MYLK: variants seen among roughly 807,000 people sequenced by gnomAD.
The protein encoded by MYLK is myosin light chain kinase.
In MYLK, 106 loss-of-function variants were observed where a neutral mutation model predicts 203.4. That is an observed-to-expected ratio of 0.52 (90% confidence interval 0.45 to 0.61). The LOEUF (loss-of-function observed/expected upper bound fraction) is 0.61, where lower values mean the gene tolerates loss of function less well. Ranked by LOEUF, MYLK falls within the 20% of genes least tolerant of loss-of-function variation. The pLI is 0.00. For missense variants in MYLK, 2,072 were observed against 2,442.3 expected, an observed-to-expected ratio of 0.85 and a Z score of 3.20; for synonymous variants, 867 against 959.5, an observed-to-expected ratio of 0.90 and a Z score of 1.78.
At chr3:123,622,126 A>C (rs1249378030) in intron 31 of MYLK, 1 of 152,272 alleles carries the variant, frequency 6.6e-6, no homozygotes, top group Non-Finnish European at 1.5e-5. Context: ...AGCCCTCCCT[A>C]CGTAGTCAAT....
chr3:123,644,028 CT>C (rs1169722186), intron 27 of MYLK, among the ~76,000 whole-genome samples: 5 of 152,236 alleles, frequency 3.3e-5, no homozygotes, highest in African/African-American at 1.2e-4. Context: ...AGACCAACTA[CT>C]ATATGGTGGG....
chr3:123,816,479 G>A (rs2065753809), intron 3 of MYLK, among the ~76,000 whole-genome samples: 1 of 152,222 alleles, frequency 6.6e-6, no homozygotes, highest in East Asian at 1.9e-4. Flanking sequence ...GGTGCTAAAT[G>A]AACCAGCTAT....
In MYLK at chr3:123,657,363, A is replaced by C. The variant is rs775757746; in HGVS notation, c.4051T>G (p.Ser1351Ala). 1 of 1,614,142 alleles carries C rather than the reference A, an allele frequency of 6.2e-7. No individual in the cohort carries two copies. The highest frequency in any genetic ancestry group is 8.5e-7 in the Non-Finnish European group (1 of 1,180,026). The part of the protein sequence containing the change: ...SDIRSSSLTL[S>A]WYGSSYDGGS... ...CCATCATATGAGGAGCCATACCAGG[A>C]CAGGGTCAGTGAGGAGCTCCGAATG... Residue 1351 changes from serine (S) to alanine (A), a missense_variant, in exon 24 of 34, where the codon TCC becomes GCC. By Grantham distance (99) the Ser-to-Ala change is moderately conservative. Transcript: ENST00000360304.
intron 5 of MYLK, among the ~76,000 whole-genome samples, 153 bp downstream of exon 5, chr3:123,752,177 TC>T (rs2108879298): frequency 6.6e-6 from 1 of 152,290 alleles, no homozygotes; most frequent in Non-Finnish European, 1.5e-5. Context: ...ACCACATCTC[TC>T]CCATTAGATT....
Position 123,793,706 on chromosome 3 carries a change from C to CT in MYLK, c.135dup (p.Glu46ArgfsTer53). ...CCTTCGAACTTGGCGGTGGCTCCTT[C>CT]TTTGATGCAGAGGTTCCGAGGGGGC... On this transcript the variant is annotated frameshift_variant, in exon 4 of 34. Transcript: ENST00000360304. LOFTEE classifies it high-confidence loss of function. 6.2e-7 allele frequency: 1 copy of CT among 1,614,150 alleles called. No homozygotes were observed. The highest frequency in any genetic ancestry group is 8.5e-7 in the Non-Finnish European group (1 of 1,180,018).
In MYLK at chr3:123,681,818, T is replaced by C. The variant is rs111618769; in HGVS notation, c.3652+406A>G. On this transcript the variant is annotated intron_variant, in intron 20 of 33. Transcript: ENST00000360304. ...TTTGCAGGCTCTGGGGGCCACTGCA[T>C]ATTTCAACCAGGAGTGATGAGATCA... 1,742 of 264,380 alleles carry C rather than the reference T, an allele frequency of 6.6e-3. 26 individuals carry two copies. The highest frequency in any genetic ancestry group is 0.033 in the African/African-American group (1,494 of 45,894). The allele number at this position is 264,380 out of a possible 1,614,324, so 16.4% of individuals were successfully genotyped here.
intron 20 of MYLK, among the ~76,000 whole-genome samples, chr3:123,677,613 T>A (rs1206410945): frequency 6.6e-6 from 1 of 151,914 alleles, no homozygotes; most frequent in Non-Finnish European, 1.5e-5. Context: ...GCACGAAGTG[T>A]TTTAGGAGTG....
At position 123,610,461 on chromosome 3, in the gene MYLK, T is replaced by C. The variant is rs2057223514; in HGVS notation, c.*3644A>G. The C allele has an allele frequency of 6.6e-6, 1 of 152,178 alleles. No homozygotes were observed. Among genetic ancestry groups the C allele is most frequent in the South Asian group, 2.1e-4 (1 of 4,824 alleles). The allele number at this position is 152,178 out of a possible 1,614,324, so 9.4% of individuals were successfully genotyped here. ...GATGGCTGCAGCAGCCACCATCTCA[T>C]GTGTTGCCCGTCATTATGGAGAGGC... is the stretch of plus-strand genomic sequence containing the variant. On this transcript the variant is annotated 3_prime_UTR_variant, in exon 34 of 34. Coordinates refer to ENST00000360304, the MANE Select transcript of MYLK (RefSeq NM_053025.4).
Position 123,726,020 on chromosome 3 carries a change from A to G in MYLK, c.1575T>C (p.Val525=), listed in dbSNP as rs1389775200. The change falls in exon 12 of 34, where the codon GTT becomes GTC. Residue 525 remains valine, a synonymous_variant. Coordinates refer to ENST00000360304, the MANE Select transcript of MYLK (RefSeq NM_053025.4). ...SFSSVLKDCA[V]IEGQDFVLQC... ...GCAGCACAAAATCCTGGCCCTCAATAACAGCGCAGTCCTTCAGGACACTGG... is the reference window on the plus strand; with the variant it reads ...GCAGCACAAAATCCTGGCCCTCAATGACAGCGCAGTCCTTCAGGACACTGG... 1 of 1,614,032 alleles carries G rather than the reference A, an allele frequency of 6.2e-7. No individual in the cohort carries two copies. The highest frequency in any genetic ancestry group is 1.3e-5 in the African/African-American group (1 of 74,908).
At chr3:123,646,944 G>A (rs1001718025) in intron 27 of MYLK, 2 of 507,254 alleles carry the variant, frequency 3.9e-6, no homozygotes. Flanking sequence ...AGATGAGGGC[G>A]AGAAAGACAC....
chr3:123,869,502 A>G (rs2032589283), intron 2 of MYLK, among the ~76,000 whole-genome samples: 1 of 152,180 alleles, frequency 6.6e-6, no homozygotes. Context: ...GCTCCAGAGC[A>G]GAATCAGAGG....
At chr3:123,686,563 G>A (rs1015302536) in intron 19 of MYLK, among the ~76,000 whole-genome samples, 5 of 152,146 alleles carry the variant, frequency 3.3e-5, no homozygotes, top group Non-Finnish European at 7.4e-5. Context: ...CTCTCTGACT[G>A]AGTGCAAGCA....
chr3:123,842,255 A>AAT lies in MYLK; in HGVS notation c.-126-10586_-126-10585insAT, dbSNP rs113134001. ...GAATAAGTAAATTAATATCAGACAA[A>AAT]AGACTTTAATATAATTAATCAGAAA... On this transcript the variant is annotated intron_variant, in intron 2 of 33. Transcript: ENST00000360304. Among the ~76,000 whole-genome samples, 995 of 152,262 alleles carry AAT rather than the reference A, an allele frequency of 6.5e-3. 9 individuals carry two copies. Among genetic ancestry groups the AAT allele is most frequent in the African/African-American group, 0.02 (841 of 41,566 alleles).
In MYLK at chr3:123,648,072, T is replaced by C. The variant is rs560677116; in HGVS notation, c.4416-645A>G. 6.6e-6 allele frequency among the ~76,000 whole-genome samples: 1 copy of C among 151,696 alleles called. No homozygotes were observed. The highest frequency in any genetic ancestry group is 6.6e-5 in the Admixed American group (1 of 15,230). Reference sequence around the variant, plus strand: ...TTCCTACTGCTGAGAGAGGGGAGAGTGGGGCTCCTCTGTGATGGCACTGAC... The same window carrying C: ...TTCCTACTGCTGAGAGAGGGGAGAGCGGGGCTCCTCTGTGATGGCACTGAC... On this transcript the variant is annotated intron_variant, in intron 26 of 33. Coordinates refer to ENST00000360304, the MANE Select transcript of MYLK (RefSeq NM_053025.4). This position sits in a 1 kb window ranked among gnomAD's most constrained non-coding sequence, Gnocchi z 4.5.
In MYLK at chr3:123,726,024, G is replaced by C; in HGVS notation, c.1571C>G (p.Ala524Gly). ...PSFSSVLKDC[A>G]VIEGQDFVLQ... ...CACAAAATCCTGGCCCTCAATAACAGCGCAGTCCTTCAGGACACTGGAGAA... is the reference window on the plus strand; with the variant it reads ...CACAAAATCCTGGCCCTCAATAACACCGCAGTCCTTCAGGACACTGGAGAA... The change falls in exon 12 of 34, where the codon GCT (alanine) becomes GGT (glycine). Residue 524 changes from alanine (A) to glycine (G), a missense_variant. This residue lies in a region of MYLK where 865 missense variants were observed against 1,016.0 expected (regional missense o/e 0.85). Coordinates refer to ENST00000360304, the MANE Select transcript of MYLK (RefSeq NM_053025.4). 2 of 1,614,186 alleles carry C rather than the reference G, an allele frequency of 1.2e-6. No homozygotes were observed. The highest frequency in any genetic ancestry group is 1.7e-6 in the Non-Finnish European group (2 of 1,180,018).
At chr3:123,816,207 T>C (rs531361340) in intron 3 of MYLK, among the ~76,000 whole-genome samples, 2 of 152,380 alleles carry the variant, frequency 1.3e-5, no homozygotes, top group African/African-American at 4.8e-5. Flanking sequence ...GGCATATGTA[T>C]GCATGCATGG....
chr3:123,743,878 T>C (rs2108838934), intron 5 of MYLK, among the ~76,000 whole-genome samples: 1 of 152,190 alleles, frequency 6.6e-6, no homozygotes, highest in East Asian at 1.9e-4. Context: ...GTGATATAAT[T>C]TATCATCCAA....
intron 27 of MYLK, 73 bp downstream of exon 27, chr3:123,647,151 G>A (rs2059048545): frequency 1.4e-6 from 2 of 1,382,872 alleles, no homozygotes; most frequent in Non-Finnish European, 2.0e-6. Context: ...AGAGGTGGCT[G>A]GGGTAGGGCA....
intron 11 of MYLK, among the ~76,000 whole-genome samples, chr3:123,732,617 A>T (rs1423964852): frequency 6.6e-6 from 1 of 152,192 alleles, no homozygotes; most frequent in Non-Finnish European, 1.5e-5. Flanking sequence ...TCACGGCACT[A>T]TTCAAACAGC....
Sources: allele counts gnomAD v4.1 joint callset (sites outside exome capture counted in the v4.1 genomes callset), GRCh38; gene constraint gnomAD v4.1.1; regional missense constraint gnomAD v4.1.1; non-coding constraint Gnocchi (gnomAD v3.1); transcripts MANE v1.5; gene names NCBI Gene and HGNC (gene_info 2026-07-23, HGNC 2026-07-21).